EXOC4: variants seen among roughly 807,000 people sequenced by gnomAD.
EXOC4 encodes exocyst complex component 4.
A neutral mutation model predicts 107.2 loss-of-function variants in EXOC4; 71 were observed. That is an observed-to-expected ratio of 0.66 (90% CI 0.55 to 0.81). The LOEUF (loss-of-function observed/expected upper bound fraction) is 0.81. EXOC4 is among the 30% of genes least tolerant of loss of function. The pLI, the probability that EXOC4 is intolerant of heterozygous loss-of-function variation, is 0.00. For synonymous variants in EXOC4, 456 were observed against 441.2 expected, an observed-to-expected ratio of 1.03 and a Z score of -0.42; for missense variants, 1,108 against 1,189.6, an observed-to-expected ratio of 0.93 and a Z score of 1.01.
At chr7:133,415,977 C>T (rs1482845620) in intron 7 of EXOC4, among the ~76,000 whole-genome samples, 1 of 152,106 alleles carries the variant, frequency 6.6e-6, no homozygotes, top group East Asian at 1.9e-4. Context: ...TTTATTAGTA[C>T]AGATACTAAG....
At chr7:133,817,804 G>T (rs1318440019) in intron 11 of EXOC4, among the ~76,000 whole-genome samples, 2 of 152,058 alleles carry the variant, frequency 1.3e-5, no homozygotes, top group Admixed American at 1.3e-4. Flanking sequence ...CATGCAGGCA[G>T]TTCCTCATTA....
At chr7:133,471,476 A>G (rs990867504) in intron 7 of EXOC4, among the ~76,000 whole-genome samples, 1 of 152,196 alleles carries the variant, frequency 6.6e-6, no homozygotes, top group African/African-American at 2.4e-5. Flanking sequence ...CTAAATTTAA[A>G]ATAGTATTTT....
chr7:133,803,333 C>T (rs1236471697), intron 10 of EXOC4, among the ~76,000 whole-genome samples: 1 of 152,132 alleles, frequency 6.6e-6, no homozygotes, highest in Non-Finnish European at 1.5e-5. Context: ...GAAACCAGGG[C>T]TTATACTGGA....
intron 15 of EXOC4, among the ~76,000 whole-genome samples, chr7:133,998,832 C>T (rs1413868916): frequency 6.6e-6 from 1 of 152,174 alleles, no homozygotes; most frequent in Non-Finnish European, 1.5e-5. Flanking sequence ...TTGAAAACAA[C>T]TCTGAGCATC....
chr7:133,971,403 AAGAG>A (rs1203543634), intron 14 of EXOC4, among the ~76,000 whole-genome samples: 3 of 91,126 alleles, frequency 3.3e-5, no homozygotes, highest in Non-Finnish European at 4.6e-5. Context: ...GAGAGAGAGA[AAGAG>A]AGAGAGAATA....
chr7:133,502,843 G>A (rs1427198714), intron 9 of EXOC4, among the ~76,000 whole-genome samples: 2 of 152,130 alleles, frequency 1.3e-5, no homozygotes, highest in Non-Finnish European at 2.9e-5. Flanking sequence ...AGAAATAGCA[G>A]AGCAGCAAAT....
intron 14 of EXOC4, among the ~76,000 whole-genome samples, chr7:133,939,809 G>C (rs1048875981): frequency 6.6e-6 from 1 of 152,100 alleles, no homozygotes; most frequent in African/African-American, 2.4e-5. Flanking sequence ...ATCCGTAAAG[G>C]CCCCTTTAAC....
chr7:133,503,074 G>T (rs1027199189), intron 9 of EXOC4, among the ~76,000 whole-genome samples: 1 of 152,056 alleles, frequency 6.6e-6, no homozygotes, highest in South Asian at 2.1e-4. Context: ...TTTATAGATT[G>T]CTTGCCTATT....
At chr7:133,524,672 C>T (rs1456930576) in intron 9 of EXOC4, among the ~76,000 whole-genome samples, 2 of 152,042 alleles carry the variant, frequency 1.3e-5, no homozygotes, top group Admixed American at 1.3e-4. Context: ...TAGCCATTTT[C>T]CCAGCACCAT....
intron 11 of EXOC4, among the ~76,000 whole-genome samples, chr7:133,835,542 G>C (rs888311549): frequency 2.0e-5 from 3 of 151,698 alleles, no homozygotes; most frequent in African/African-American, 7.3e-5. Context: ...TCAGTGAGCA[G>C]AGGGATGACT....
chr7:133,444,801 G>A lies in EXOC4; in HGVS notation c.1183-30527G>A, dbSNP rs562066658. ...ACATGAGATCATGAGCAGGTTGGTCGGTGGTGTCAGCTTGTCGGTGTTCAG... is the reference window on the plus strand; with the variant it reads ...ACATGAGATCATGAGCAGGTTGGTCAGTGGTGTCAGCTTGTCGGTGTTCAG... On this transcript the variant is annotated intron_variant, in intron 7 of 17. Transcript: ENST00000253861. 4.6e-5 allele frequency among the ~76,000 whole-genome samples: 7 copies of A among 152,206 alleles called. No individual in the cohort carries two copies. In the East Asian group the frequency reaches 9.7e-4, roughly 21 times the overall value.
chr7:133,462,392 G>A (rs1012208090), intron 7 of EXOC4, among the ~76,000 whole-genome samples: 1 of 152,196 alleles, frequency 6.6e-6, no homozygotes, highest in Non-Finnish European at 1.5e-5. Context: ...CTGATGGGAA[G>A]ATAGAGGCAC....
chr7:133,306,380 T>C (rs1563011177), intron 4 of EXOC4, among the ~76,000 whole-genome samples: 1 of 152,202 alleles, frequency 6.6e-6, no homozygotes, highest in Non-Finnish European at 1.5e-5. Context: ...TAAATTGGAC[T>C]GTGAAGTCAG....
intron 7 of EXOC4, among the ~76,000 whole-genome samples, chr7:133,453,382 T>C (rs561628436): frequency 6.6e-6 from 1 of 152,304 alleles, no homozygotes; most frequent in South Asian, 2.1e-4. Flanking sequence ...TATATTGTTA[T>C]CAAAGTATCA....
intron 9 of EXOC4, among the ~76,000 whole-genome samples, chr7:133,570,337 G>A (rs963708181): frequency 6.6e-6 from 1 of 152,164 alleles, no homozygotes; most frequent in Non-Finnish European, 1.5e-5. Context: ...TAGTAGGAGA[G>A]TGAAACCTAA....
chr7:133,354,969 C>T (rs997063754), intron 5 of EXOC4, among the ~76,000 whole-genome samples: 1 of 152,100 alleles, frequency 6.6e-6, no homozygotes, highest in Admixed American at 6.6e-5. Flanking sequence ...TGCAGTCTTC[C>T]CAGAATCCTC....
At chr7:133,743,781 A>G (rs144176277) in intron 10 of EXOC4, among the ~76,000 whole-genome samples, 43 of 152,264 alleles carry the variant, frequency 2.8e-4, no homozygotes, top group South Asian at 1.2e-3. Context: ...GAAGGAGTCT[A>G]ATCTTTGGTT....
chr7:133,616,979 G>A (rs1362410374), intron 9 of EXOC4, among the ~76,000 whole-genome samples: 1 of 152,038 alleles, frequency 6.6e-6, no homozygotes, highest in Non-Finnish European at 1.5e-5. Flanking sequence ...TTATTTTATT[G>A]ACAAGAAATA....
intron 3 of EXOC4, among the ~76,000 whole-genome samples, chr7:133,296,844 T>G (rs1185310425): frequency 1.3e-5 from 2 of 152,112 alleles, no homozygotes; most frequent in African/African-American, 4.8e-5. Context: ...CACTGCACAT[T>G]AGGGGATCTT....
Sources: gnomAD v4.1 joint callset for allele counts (sites outside exome capture counted in the v4.1 genomes callset) on GRCh38, gnomAD v4.1.1 for gene constraint, MANE v1.5 for transcripts, NCBI Gene and HGNC (gene_info 2026-07-23, HGNC 2026-07-21) for gene names.